Variants in PRKN observed in about 807,000 individuals in gnomAD.
PRKN encodes E3 ubiquitin-protein ligase parkin.
Under a neutral mutation model 59.5 loss-of-function variants are expected in PRKN, and 56 were observed. The observed-to-expected ratio is 0.94, with a 90% confidence interval of 0.76 to 1.18. The LOEUF is 1.18. Ranked by LOEUF, PRKN falls within the 50% of genes most tolerant of loss-of-function variation. The pLI, the probability that PRKN is intolerant of heterozygous loss-of-function variation, is 0.00. For missense variants in PRKN, 657 were observed against 596.4 expected, an observed-to-expected ratio of 1.10 and a Z score of -1.06; for synonymous variants, 250 against 222.1, an observed-to-expected ratio of 1.13 and a Z score of -1.12.
intron 1 of PRKN, chr6:162,624,656 G>A (rs966827091): frequency 2.0e-5 from 3 of 152,186 alleles, no homozygotes; most frequent in South Asian, 2.1e-4. Flanking sequence ...CAATCTATAG[G>A]AGGAAGACAG....
chr6:162,602,203 C>T (rs1037941936), intron 1 of PRKN, among the ~76,000 whole-genome samples: 1 of 152,144 alleles, frequency 6.6e-6, no homozygotes, highest in African/African-American at 2.4e-5. Flanking sequence ...TCTGGGAGCA[C>T]CCTGGGTCCT....
chr6:162,349,283 T>C (rs1760471832), intron 2 of PRKN, among the ~76,000 whole-genome samples: 2 of 151,914 alleles, frequency 1.3e-5, no homozygotes, highest in South Asian at 2.1e-4. Context: ...GCCTGGCCAA[T>C]ATGGTGAAAC....
rs1432903212 is a variant in PRKN at position 161,524,365 on chromosome 6, A to G, written c.1083+24489T>C. On this transcript the variant is annotated intron_variant, in intron 9 of 11. Transcript: ENST00000366898. Reference sequence around the variant, plus strand: ...ATATTTTATTTTTTTATTTTTCCAGAGACAGGGTCTCACTCTGTTGCCCAG... The same window carrying G: ...ATATTTTATTTTTTTATTTTTCCAGGGACAGGGTCTCACTCTGTTGCCCAG... Among the ~76,000 whole-genome samples the G allele has an allele frequency of 1.5e-4, 23 of 152,144 alleles. 1 individual carries two copies. The highest frequency in any genetic ancestry group is 1.5e-3 in the Admixed American group (23 of 15,270).
intron 7 of PRKN, among the ~76,000 whole-genome samples, chr6:161,604,957 A>T (rs149523211): frequency 1.4e-4 from 21 of 152,280 alleles, no homozygotes; most frequent in Non-Finnish European, 2.4e-4. Flanking sequence ...AATCTGACAC[A>T]TTCTTAAGAG....
At chr6:162,354,681 T>C (rs1784770305) in intron 2 of PRKN, among the ~76,000 whole-genome samples, 1 of 152,020 alleles carries the variant, frequency 6.6e-6, no homozygotes. Context: ...AACAGATATA[T>C]ATATTTTCAG....
intron 3 of PRKN, among the ~76,000 whole-genome samples, chr6:162,211,717 C>A (rs983795197): frequency 5.3e-5 from 8 of 152,086 alleles, no homozygotes; most frequent in Non-Finnish European, 1.0e-4. Context: ...CCTATCTTCA[C>A]TGCTAACATA....
At chr6:162,244,490 T>C (rs1343936655) in intron 3 of PRKN, among the ~76,000 whole-genome samples, 1 of 152,114 alleles carries the variant, frequency 6.6e-6, no homozygotes, top group South Asian at 2.1e-4. Context: ...ATTCAAATTA[T>C]TATATAAAGT....
intron 9 of PRKN, among the ~76,000 whole-genome samples, chr6:161,416,747 T>C (rs886842614): frequency 2.0e-5 from 3 of 152,138 alleles, no homozygotes; most frequent in African/African-American, 4.8e-5. Context: ...GTTCTGACCA[T>C]AAGACAAAGT....
intron 4 of PRKN, among the ~76,000 whole-genome samples, chr6:162,170,819 T>C (rs2128319577): frequency 6.6e-6 from 1 of 152,272 alleles, no homozygotes; most frequent in African/African-American, 2.4e-5. Context: ...CTGCACAGGG[T>C]GGTTTAAAAG....
intron 1 of PRKN, among the ~76,000 whole-genome samples, chr6:162,613,496 C>T (rs1782276105): frequency 6.6e-6 from 1 of 152,150 alleles, no homozygotes; most frequent in Non-Finnish European, 1.5e-5. Flanking sequence ...TTACAGGCAG[C>T]CACAGGTGCA....
intron 4 of PRKN, among the ~76,000 whole-genome samples, chr6:162,173,904 C>T (rs143371303): frequency 5.9e-5 from 9 of 152,278 alleles, no homozygotes; most frequent in East Asian, 1.9e-4. Flanking sequence ...CTATTCTCAT[C>T]GTCACGATCA....
chr6:162,710,247 C>T (rs929672653), intron 1 of PRKN, among the ~76,000 whole-genome samples: 1 of 151,962 alleles, frequency 6.6e-6, no homozygotes, highest in Non-Finnish European at 1.5e-5. Context: ...GCTGCTGTCC[C>T]TCTCATACTA....
At position 161,554,403 on chromosome 6, in the gene PRKN, TACACACACAC is replaced by T. The variant is rs57551959; in HGVS notation, c.934-5410_934-5401del. ...TAACCTTCATGTTATCTTACTTCTA[TACACACACAC>T]ACACACACACACACACACGCATGCA... On this transcript the variant is annotated intron_variant, in intron 8 of 11. Coordinates refer to ENST00000366898, the MANE Select transcript of PRKN (RefSeq NM_004562.3). The surrounding 1 kb of genome is among the most constrained non-coding windows in gnomAD (Gnocchi z 4.5). Among the ~76,000 whole-genome samples, 1 of 146,990 alleles carries T rather than the reference TACACACACAC, an allele frequency of 6.8e-6. No homozygotes were observed. Among genetic ancestry groups the T allele is most frequent in the African/African-American group, 2.5e-5 (1 of 39,812 alleles).
At chr6:161,519,412 AC>A (rs1778737204) in intron 9 of PRKN, among the ~76,000 whole-genome samples, 1 of 104,768 alleles carries the variant, frequency 9.5e-6, no homozygotes, top group Admixed American at 9.1e-5. Flanking sequence ...TATCCTCCAG[AC>A]TTTTACTGGT....
chr6:162,540,034 A>G (rs1175209416), intron 1 of PRKN, among the ~76,000 whole-genome samples: 1 of 151,388 alleles, frequency 6.6e-6, no homozygotes, highest in Non-Finnish European at 1.5e-5. Flanking sequence ...TCCTACCTCA[A>G]CCTCCCGAGT....
Position 161,473,850 on chromosome 6 carries a change from A to C in PRKN, c.1083+75004T>G, listed in dbSNP as rs1790921710. Among the ~76,000 whole-genome samples, 1 of 152,146 alleles carries C rather than the reference A, an allele frequency of 6.6e-6. No homozygotes were observed. Among genetic ancestry groups the C allele is most frequent in the South Asian group, 2.1e-4 (1 of 4,816 alleles). On this transcript the variant is annotated intron_variant, in intron 9 of 11. Transcript: ENST00000366898. This position sits in a 1 kb window ranked among gnomAD's most constrained non-coding sequence, Gnocchi z 4.1. ...ACACCTTAACTATATATAATAGAAA[A>C]ATAAGTAAATAAGAAAGGAGAGCAG...
chr6:161,533,399 G>A lies in PRKN; in HGVS notation c.1083+15455C>T, dbSNP rs1309011227. ...TCGACCTGCAGACACAAACAAGCAT[G>A]CTGGAAGCTTGCACAGGTACATGCT... On this transcript the variant is annotated intron_variant, in intron 9 of 11. Transcript: ENST00000366898. This position sits in a 1 kb window ranked among gnomAD's most constrained non-coding sequence, Gnocchi z 4.1. 6.6e-6 allele frequency among the ~76,000 whole-genome samples: 1 copy of A among 152,056 alleles called. No homozygotes were observed. The highest frequency in any genetic ancestry group is 1.5e-5 in the Non-Finnish European group (1 of 68,030).
At chr6:162,650,039 T>C (rs1028773169) in intron 1 of PRKN, among the ~76,000 whole-genome samples, 14 of 152,314 alleles carry the variant, frequency 9.2e-5, no homozygotes, top group Admixed American at 5.9e-4. Context: ...CGGACATACG[T>C]GACTCTCAAG....
At chr6:162,511,121 T>C (rs192793034) in intron 1 of PRKN, among the ~76,000 whole-genome samples, 5 of 152,282 alleles carry the variant, frequency 3.3e-5, no homozygotes, top group East Asian at 3.9e-4. Context: ...AGTTTTTCTA[T>C]AGAAAATAAC....
Sources: gnomAD v4.1 joint callset for allele counts (sites outside exome capture counted in the v4.1 genomes callset) on GRCh38, gnomAD v4.1.1 for gene constraint, Gnocchi (gnomAD v3.1) non-coding constraint, MANE v1.5 for transcripts, NCBI Gene and HGNC (gene_info 2026-07-23, HGNC 2026-07-21) for gene names.